Variants in NOL4L observed in about 807,000 individuals in gnomAD.
NOL4L encodes the protein nucleolar protein 4-like.
A neutral mutation model predicts 64.5 loss-of-function variants in NOL4L; 7 were observed. That is an observed-to-expected ratio of 0.11 (90% confidence interval 0.06 to 0.20). The LOEUF (loss-of-function observed/expected upper bound fraction) is 0.20. Among genes scored for constraint, NOL4L ranks in the 10% least tolerant of loss-of-function variants. The pLI is 1.00. For synonymous variants in NOL4L, 413 were observed against 401.0 expected (o/e 1.03, Z -0.36); for missense variants, 680 against 967.1 (o/e 0.70, Z 3.94).
intron 4 of NOL4L, chr20:32,475,429 G>A: frequency 4.2e-6 from 3 of 713,968 alleles, no homozygotes; most frequent in Non-Finnish European, 3.4e-6. Flanking sequence ...GGGCCTGGGG[G>A]GCCGCCAGGG....
At chr20:32,468,604 G>T (rs1343313130) in intron 5 of NOL4L, among the ~76,000 whole-genome samples, 1 of 152,134 alleles carries the variant, frequency 6.6e-6, no homozygotes, top group East Asian at 1.9e-4. Context: ...TTCCAGCAAT[G>T]AAAAACAGGG....
At chr20:32,485,086 A>AC (rs2016021355) in intron 4 of NOL4L, among the ~76,000 whole-genome samples, 2 of 145,694 alleles carry the variant, frequency 1.4e-5, no homozygotes, top group Non-Finnish European at 3.0e-5. Flanking sequence ...AAAAAAAAAA[A>AC]ACAACTAAAA....
At chr20:32,527,683 C>G in intron 2 of NOL4L, 75 bp downstream of exon 2, 1 of 1,471,836 alleles carries the variant, frequency 6.8e-7, no homozygotes, top group South Asian at 1.4e-5. Flanking sequence ...CCCCCCAAGC[C>G]CAACATGTGC....
chr20:32,500,817 C>T (rs2016895146), intron 4 of NOL4L, among the ~76,000 whole-genome samples: 1 of 152,110 alleles, frequency 6.6e-6, no homozygotes, highest in Non-Finnish European at 1.5e-5. Flanking sequence ...ACTGAAAAAG[C>T]TCCAATGGCC....
In NOL4L at chr20:32,446,052, TGAGG is replaced by T. The variant is rs1343508166; in HGVS notation, c.*1540_*1543del. 3 of 152,254 alleles carry T rather than the reference TGAGG, an allele frequency of 2.0e-5. No individual in the cohort carries two copies. Among genetic ancestry groups the T allele is most frequent in the Non-Finnish European group, 2.9e-5 (2 of 68,134 alleles). The allele number at this position is 152,254 out of a possible 1,614,324, so 9.4% of individuals were successfully genotyped here. ...TGGCTCCCCTGGGGCCTCTCTGCTCTGAGGGAGGAAAGGCAACAGAGGGCTTCTG... is the reference window on the plus strand; with the variant it reads ...TGGCTCCCCTGGGGCCTCTCTGCTCTGAGGAAAGGCAACAGAGGGCTTCTG... On this transcript the variant is annotated 3_prime_UTR_variant, in exon 11 of 11. Transcript: ENST00000621426.
intron 1 of NOL4L, among the ~76,000 whole-genome samples, chr20:32,583,235 G>C (rs1466470718): frequency 6.6e-6 from 1 of 151,490 alleles, no homozygotes; most frequent in Admixed American, 6.6e-5. Flanking sequence ...CCGTCCCCTG[G>C]GCGCGGGGGG....
chr20:32,547,774 G>A (rs115511481), intron 1 of NOL4L, among the ~76,000 whole-genome samples: 188 of 152,164 alleles, frequency 1.2e-3, no homozygotes, highest in African/African-American at 4.4e-3. Flanking sequence ...CTGGATTTGA[G>A]GCCCCTGGAA....
intron 3 of NOL4L, among the ~76,000 whole-genome samples, chr20:32,512,774 A>T (rs2017467093): frequency 6.6e-6 from 1 of 152,072 alleles, no homozygotes; most frequent in Non-Finnish European, 1.5e-5. Flanking sequence ...TAGAATTTTT[A>T]TGGCCATGTA....
chr20:32,558,499 C>T (rs1978797755), intron 1 of NOL4L, among the ~76,000 whole-genome samples: 1 of 152,148 alleles, frequency 6.6e-6, no homozygotes, highest in South Asian at 2.1e-4. Flanking sequence ...CCGCTGAAGC[C>T]CTCTTGTTTT....
chr20:32,505,821 T>C (rs1287201107), intron 4 of NOL4L, among the ~76,000 whole-genome samples: 1 of 152,076 alleles, frequency 6.6e-6, no homozygotes. Context: ...TCCACTGACA[T>C]GAGGTGCCTA....
intron 4 of NOL4L, chr20:32,510,082 C>G: frequency 3.4e-6 from 2 of 593,916 alleles, no homozygotes; most frequent in Non-Finnish European, 5.5e-6. Context: ...GCTCAAACTA[C>G]TTTGCCTTTG....
rs1600769474 is a variant in NOL4L at position 32,501,344 on chromosome 20, A to G, written c.699+10003T>C. 4.6e-5 allele frequency among the ~76,000 whole-genome samples: 7 copies of G among 152,356 alleles called. 1 individual carries two copies. The South Asian group carries it at 1.4e-3, about 32-fold the overall frequency. ...CGAAACTGTCAAGGTTATCAAAAAC[A>G]AGGAAAGTCTGAGAAACTGTCAAAG... is the stretch of plus-strand genomic sequence containing the variant. On this transcript the variant is annotated intron_variant, in intron 4 of 10. Coordinates refer to ENST00000621426, the MANE Select transcript of NOL4L (RefSeq NM_001256798.2).
chr20:32,497,498 G>A (rs1050434472), intron 4 of NOL4L, among the ~76,000 whole-genome samples: 9 of 152,314 alleles, frequency 5.9e-5, no homozygotes, highest in East Asian at 1.9e-4. Context: ...AACCAGGGAC[G>A]GCTGCAGAAA....
At chr20:32,500,794 A>AGGTATG (rs2016894206) in intron 4 of NOL4L, among the ~76,000 whole-genome samples, 9 of 152,144 alleles carry the variant, frequency 5.9e-5, no homozygotes, top group Admixed American at 5.9e-4. Flanking sequence ...ATGGCAAAAG[A>AGGTATG]GCACAGGAAA....
intron 1 of NOL4L, chr20:32,572,398 A>G (rs1458818564): frequency 6.6e-6 from 1 of 152,208 alleles, no homozygotes; most frequent in Non-Finnish European, 1.5e-5. Flanking sequence ...ACACGGACTG[A>G]GGACTTCATG....
chr20:32,456,214 C>A lies in NOL4L; in HGVS notation c.1023G>T (p.Pro341=). The stretch of plus-strand genomic sequence containing the variant: ...AGGAGGCTGTGCCAAGTGCCGTGGC[C>A]GGCGGGAGCTTGTCACACAGGTTGA... ...QPINLCDKLP[P]ATALGTASYP... Residue 341 remains proline (P), a synonymous_variant, in exon 6 of 11, where the codon CCG becomes CCT. Coordinates refer to ENST00000621426, the MANE Select transcript of NOL4L (RefSeq NM_001256798.2). 1 of 1,608,912 alleles carries A rather than the reference C, an allele frequency of 6.2e-7. No individual in the cohort carries two copies. Among genetic ancestry groups the A allele is most frequent in the Non-Finnish European group, 8.5e-7 (1 of 1,177,696 alleles).
chr20:32,584,170 C>CACACACACACACACACACACACACA (rs1980731726), intron 1 of NOL4L, among the ~76,000 whole-genome samples: 1 of 145,608 alleles, frequency 6.9e-6, no homozygotes, highest in African/African-American at 2.6e-5. Flanking sequence ...CACACACACA[C>CACACACACACACACACACACACACA]CGCCCAGCCG....
chr20:32,534,881 CA>C (rs57677677), intron 1 of NOL4L, among the ~76,000 whole-genome samples: 7,794 of 67,856 alleles, frequency 0.11, 605 homozygotes, highest in African/African-American at 0.31. Context: ...GACCCCATCT[CA>C]AAAAAAAAAA....
intron 3 of NOL4L, among the ~76,000 whole-genome samples, chr20:32,518,985 A>G (rs557646838): frequency 4.6e-5 from 7 of 152,322 alleles, no homozygotes; most frequent in Admixed American, 2.6e-4. Flanking sequence ...TCCTGCACCA[A>G]TGCCAGGTAC....
Sources: gnomAD v4.1 joint callset for allele counts (sites outside exome capture counted in the v4.1 genomes callset) on GRCh38, gnomAD v4.1.1 for gene constraint, MANE v1.5 for transcripts, NCBI Gene and HGNC (gene_info 2026-07-23, HGNC 2026-07-21) for gene names.